Variants in PALM2AKAP2 observed in about 807,000 individuals in gnomAD.
PALM2AKAP2 encodes the protein PALM2-AKAP2 fusion protein.
In PALM2AKAP2, 37 loss-of-function variants were observed where a neutral mutation model predicts 71.5. The ratio of observed to expected loss-of-function variants is 0.52; its 90% CI spans 0.40 to 0.68. PALM2AKAP2 has a LOEUF of 0.68. PALM2AKAP2 is among the 30% of genes least tolerant of loss of function. PALM2AKAP2 has a pLI of 0.00. For missense variants in PALM2AKAP2, 1,224 were observed against 1,191.8 expected (o/e 1.03, Z -0.40); for synonymous variants, 468 against 478.8 (o/e 0.98, Z 0.29).
intron 1 of PALM2AKAP2, among the ~76,000 whole-genome samples, chr9:109,843,421 A>G (rs985884803): frequency 2.0e-5 from 3 of 151,900 alleles, no homozygotes; most frequent in African/African-American, 7.3e-5. Flanking sequence ...CATTGTTATT[A>G]CAAATTATGT....
At chr9:109,769,192 G>A (rs1829214271) in intron 1 of PALM2AKAP2, among the ~76,000 whole-genome samples, 1 of 152,022 alleles carries the variant, frequency 6.6e-6, no homozygotes, top group Non-Finnish European at 1.5e-5. Context: ...AAGTGAAATG[G>A]CAAAAGTGTA....
intron 1 of PALM2AKAP2, among the ~76,000 whole-genome samples, chr9:110,057,674 A>G (rs1465647136): frequency 6.6e-6 from 1 of 151,370 alleles, no homozygotes; most frequent in Non-Finnish European, 1.5e-5. Flanking sequence ...CACCACGCCC[A>G]GCCCTCTCCT....
chr9:109,691,253 A>G (rs1292409136), intron 1 of PALM2AKAP2, among the ~76,000 whole-genome samples: 1 of 151,918 alleles, frequency 6.6e-6, no homozygotes, highest in Admixed American at 6.6e-5. Context: ...ATCTGTCAGC[A>G]CAATAGCTGG....
intron 1 of PALM2AKAP2, among the ~76,000 whole-genome samples, chr9:109,670,310 C>T (rs1469788359): frequency 6.6e-6 from 1 of 152,068 alleles, no homozygotes; most frequent in Non-Finnish European, 1.5e-5. Flanking sequence ...TGTTGTTCCC[C>T]TCTATGTGTC....
intron 2 of PALM2AKAP2, among the ~76,000 whole-genome samples, chr9:110,143,083 TG>T (rs199728142): frequency 0.13 from 20,350 of 151,844 alleles, 1,372 homozygotes; most frequent in East Asian, 0.19. Context: ...CTCCCAATAG[TG>T]TGTGCATGTG....
chr9:110,157,073 G>A (rs1266309263), intron 3 of PALM2AKAP2, among the ~76,000 whole-genome samples: 1 of 152,144 alleles, frequency 6.6e-6, no homozygotes, highest in Non-Finnish European at 1.5e-5. Context: ...CCAAGCCCTC[G>A]GAACTTTGCA....
intron 1 of PALM2AKAP2, among the ~76,000 whole-genome samples, chr9:110,108,062 A>C (rs2118916113): frequency 6.6e-6 from 1 of 150,700 alleles, no homozygotes; most frequent in South Asian, 2.1e-4. Context: ...GCATACATTA[A>C]GCTATTTTGC....
At chr9:109,927,387 A>T (rs1311053497) in intron 5 of PALM2AKAP2, among the ~76,000 whole-genome samples, 1 of 152,236 alleles carries the variant, frequency 6.6e-6, no homozygotes, top group Non-Finnish European at 1.5e-5. Flanking sequence ...GCTACAAAAA[A>T]CTAACCAGAT....
chr9:109,821,358 A>C (rs1413055616), intron 1 of PALM2AKAP2, among the ~76,000 whole-genome samples: 2 of 152,218 alleles, frequency 1.3e-5, no homozygotes, highest in Admixed American at 1.3e-4. Context: ...CAACAACAAA[A>C]TAATAATAAT....
chr9:110,035,060 C>T (rs1006085734), intron 7 of PALM2AKAP2, among the ~76,000 whole-genome samples: 2 of 150,088 alleles, frequency 1.3e-5, no homozygotes, highest in African/African-American at 4.9e-5. Flanking sequence ...TCAATGTGAT[C>T]CTTTCATATG....
intron 3 of PALM2AKAP2, among the ~76,000 whole-genome samples, chr9:110,165,284 TCACA>T (rs58758256): frequency 0.18 from 26,063 of 142,030 alleles, 2,342 homozygotes; most frequent in African/African-American, 0.23. Context: ...TGCTAGAGAT[TCACA>T]CACACACACA....
rs573730480 is a variant in PALM2AKAP2, at chr9:110,105,462, A to G, written c.157-30665A>G. 3.3e-5 allele frequency among the ~76,000 whole-genome samples: 5 copies of G among 152,292 alleles called. No individual in the cohort carries two copies. The South Asian group carries it at 1.0e-3, about 32-fold the overall frequency. ...AAGTTTTGGGCAGGTTTTGTCACTG[A>G]CATTAGGTGGTGATGATTTTAAAGG... On this transcript the variant is annotated intron_variant, in intron 1 of 3. Coordinates refer to ENST00000374525, the Ensembl canonical transcript of PALM2AKAP2.
Position 110,156,310 on chromosome 9 carries a change from T to C in PALM2AKAP2, c.2570-9T>C. ...GCTTAGAAAGGGTATTTTCTTCGTGTTGTTTCAGGGAAAATAGAGAAAGTC... is the reference window on the plus strand; with the variant it reads ...GCTTAGAAAGGGTATTTTCTTCGTGCTGTTTCAGGGAAAATAGAGAAAGTC... On this transcript the variant is annotated splice_polypyrimidine_tract_variant and intron_variant, in intron 2 of 3. Coordinates refer to ENST00000374525, the Ensembl canonical transcript of PALM2AKAP2. 4.5e-6 allele frequency: 7 copies of C among 1,560,262 alleles called. No individual in the cohort carries two copies. Among genetic ancestry groups the C allele is most frequent in the Non-Finnish European group, 6.1e-6 (7 of 1,153,648 alleles).
chr9:109,850,681 A>G (rs1188378250), intron 1 of PALM2AKAP2, among the ~76,000 whole-genome samples: 1 of 152,250 alleles, frequency 6.6e-6, no homozygotes, highest in Non-Finnish European at 1.5e-5. Context: ...GACTTTGAAG[A>G]GCAAAGAAAG....
At chr9:110,124,637 T>A (rs1046310279) in intron 1 of PALM2AKAP2, among the ~76,000 whole-genome samples, 3 of 152,140 alleles carry the variant, frequency 2.0e-5, no homozygotes, top group African/African-American at 7.2e-5. Flanking sequence ...GGGGCCCTAT[T>A]CTGAGGTGAC....
At chr9:109,726,717 A>G (rs556847059) in intron 1 of PALM2AKAP2, among the ~76,000 whole-genome samples, 7 of 152,350 alleles carry the variant, frequency 4.6e-5, no homozygotes, top group African/African-American at 1.7e-4. Flanking sequence ...TGTATAGGTT[A>G]AATCAAGTTG....
chr9:109,805,059 C>T (rs770780124), intron 1 of PALM2AKAP2, among the ~76,000 whole-genome samples: 12 of 152,232 alleles, frequency 7.9e-5, no homozygotes, highest in South Asian at 4.1e-4. Flanking sequence ...TAATTGGCTA[C>T]GTAATTGTTT....
chr9:110,114,836 T>TA (rs1230553484), intron 1 of PALM2AKAP2, among the ~76,000 whole-genome samples: 1 of 152,176 alleles, frequency 6.6e-6, no homozygotes, highest in African/African-American at 2.4e-5. Flanking sequence ...CAGTATTACT[T>TA]ATTGGCTCTC....
In PALM2AKAP2 at chr9:110,048,790, G is replaced by A. The variant is rs769509907; in HGVS notation, c.91G>A (p.Ala31Thr). ...TCCTGGACCCCCGGAGCGGGAGGCA[G>A]CGGCCGCGCGGCGCTGGACTGGAGC... Residue 31 changes from alanine to threonine, a missense_variant, in exon 1 of 4, where the codon GCG (alanine) becomes ACG (threonine). Physicochemically the swap from Ala to Thr is moderately conservative, Grantham distance 58. Coordinates refer to ENST00000374525, the Ensembl canonical transcript of PALM2AKAP2. 4 of 1,534,376 alleles carry A rather than the reference G, an allele frequency of 2.6e-6. No homozygotes were observed. The South Asian group carries it at 3.6e-5, about 14-fold the overall frequency.
Sources: gnomAD v4.1 joint callset for allele counts (sites outside exome capture counted in the v4.1 genomes callset) on GRCh38, gnomAD v4.1.1 for gene constraint, MANE v1.5 for transcripts, NCBI Gene and HGNC (gene_info 2026-07-23, HGNC 2026-07-21) for gene names.